Variants in CRCP observed in about 807,000 individuals in gnomAD.
The protein encoded by CRCP is CGRP receptor component.
In CRCP, 18 loss-of-function variants were observed where a neutral mutation model predicts 18.5. The observed-to-expected ratio is 0.97, with a 90% CI of 0.67 to 1.44. The LOEUF (loss-of-function observed/expected upper bound fraction) is 1.44. Among genes scored for constraint, CRCP ranks in the 40% most tolerant of loss-of-function variants. The pLI, the probability that CRCP is intolerant of heterozygous loss-of-function variation, is 0.00. For missense variants in CRCP, 130 were observed against 176.4 expected, an observed-to-expected ratio of 0.74 and a Z score of 1.49; for synonymous variants, 53 against 62.9, an observed-to-expected ratio of 0.84 and a Z score of 0.75.
chr7:66,117,408 T>C (rs1288795598), intron 1 of CRCP, among the ~76,000 whole-genome samples: 1 of 152,184 alleles, frequency 6.6e-6, no homozygotes, highest in African/African-American at 2.4e-5. Context: ...CCCATCTATG[T>C]GCTGATGGTT....
intron 4 of CRCP, among the ~76,000 whole-genome samples, chr7:66,144,582 C>T (rs1363410768): frequency 2.6e-5 from 4 of 152,208 alleles, no homozygotes. Flanking sequence ...CCTCCTTGTC[C>T]TCTGCCTTCC....
intron 5 of CRCP, among the ~76,000 whole-genome samples, chr7:66,148,705 T>G (rs564515132): frequency 6.6e-6 from 1 of 152,330 alleles, no homozygotes; most frequent in African/African-American, 2.4e-5. Flanking sequence ...CCCTCCGGCC[T>G]GAGGTCAGTG....
rs1293463714 is a variant in CRCP, at chr7:66,152,914, G to A, written c.*557G>A. 1 of 153,154 alleles carries A rather than the reference G, an allele frequency of 6.5e-6. No individual in the cohort carries two copies. Among genetic ancestry groups the A allele is most frequent in the African/African-American group, 2.4e-5 (1 of 41,438 alleles). The allele number at this position is 153,154 out of a possible 1,614,324, so 9.5% of individuals were successfully genotyped here. A position where few individuals can be genotyped will look rare whatever the true frequency, so the allele number is the denominator to read the frequency against. On this transcript the variant is annotated 3_prime_UTR_variant, in exon 6 of 6. Transcript: ENST00000395326. ...AGCTCTAGAGCCCCTTTTCTCTGCTGGCAGGGGCTTTGTTTACCAGCTCAC... is the reference window on the plus strand; with the variant it reads ...AGCTCTAGAGCCCCTTTTCTCTGCTAGCAGGGGCTTTGTTTACCAGCTCAC...
intron 5 of CRCP, among the ~76,000 whole-genome samples, chr7:66,147,676 T>G (rs1225260450): frequency 1.3e-5 from 2 of 152,228 alleles, no homozygotes; most frequent in Non-Finnish European, 2.9e-5. Context: ...TATAGCCAGA[T>G]TCTTCCCACT....
chr7:66,120,183 CAAAAAAAAA>C (rs1787394517), intron 1 of CRCP, among the ~76,000 whole-genome samples: 1 of 139,804 alleles, frequency 7.2e-6, no homozygotes, highest in South Asian at 2.3e-4. Flanking sequence ...GACCCCGTCT[CAAAAAAAAA>C]GAAAAAAAGA....
chr7:66,116,415 A>T (rs959617773), intron 1 of CRCP, among the ~76,000 whole-genome samples: 4 of 150,398 alleles, frequency 2.7e-5, no homozygotes, highest in African/African-American at 4.9e-5. Context: ...GGATCACTTG[A>T]TCCCAGGAGG....
intron 5 of CRCP, among the ~76,000 whole-genome samples, chr7:66,146,538 T>C (rs1353963418): frequency 6.6e-6 from 1 of 152,192 alleles, no homozygotes; most frequent in Admixed American, 6.5e-5. Flanking sequence ...TAGCTCTTTG[T>C]CAAATTTCCT....
Position 66,154,025 on chromosome 7 carries a change from C to G in CRCP, c.*1668C>G, listed in dbSNP as rs1001733440. On this transcript the variant is annotated 3_prime_UTR_variant, in exon 6 of 6. Transcript: ENST00000395326. The stretch of plus-strand genomic sequence containing the variant: ...GCAGTGAGCCAGATCGTGCATTGCA[C>G]TCCAGCCTGGCCGACAGGGTGAGAC... 3.3e-5 allele frequency: 5 copies of G among 151,956 alleles called. No individual in the cohort carries two copies. The highest frequency in any genetic ancestry group is 1.2e-4 in the African/African-American group (5 of 41,364). The allele number at this position is 151,956 out of a possible 1,614,324, so 9.4% of individuals were successfully genotyped here.
intron 1 of CRCP, among the ~76,000 whole-genome samples, chr7:66,123,749 C>CA (rs35581711): frequency 0.016 from 2,267 of 138,512 alleles, 57 homozygotes; most frequent in East Asian, 0.098. Flanking sequence ...ACTCTTGTCT[C>CA]AAAAAAAAAA....
intron 4 of CRCP, among the ~76,000 whole-genome samples, chr7:66,141,219 A>G (rs79175498): frequency 0.016 from 2,450 of 152,286 alleles, 61 homozygotes; most frequent in East Asian, 0.093. Context: ...TGTGAGCATA[A>G]CACATTCAGT....
chr7:66,152,459 C>G lies in CRCP; in HGVS notation c.*102C>G. 7.4e-7 allele frequency: 1 copy of G among 1,349,782 alleles called. No homozygotes were observed. Among genetic ancestry groups the G allele is most frequent in the Admixed American group, 2.2e-5 (1 of 46,420 alleles). 83.6% of individuals were successfully genotyped at this position (1,349,782 alleles called of 1,614,324 possible). On this transcript the variant is annotated 3_prime_UTR_variant, in exon 6 of 6. Coordinates refer to ENST00000395326, the MANE Select transcript of CRCP (RefSeq NM_014478.5). Reference sequence around the variant, plus strand: ...TATTTGATTTTTATCCTCATCCCAGCAGGCCTGGCTTTGTGGTTAGTTGGG... The same window carrying G: ...TATTTGATTTTTATCCTCATCCCAGGAGGCCTGGCTTTGTGGTTAGTTGGG...
rs1280094524 is a variant in CRCP at position 66,130,148 on chromosome 7, C to G, written c.46-596C>G. The G allele has an allele frequency of 3.9e-5, 11 of 285,602 alleles. No homozygotes were observed. In the East Asian group the frequency reaches 1.6e-3, roughly 41 times the overall value. The allele number at this position is 285,602 out of a possible 1,614,324, so 17.7% of individuals were successfully genotyped here. A position where few individuals can be genotyped will look rare whatever the true frequency, so the allele number is the denominator to read the frequency against. ...TCAGATGGAGTCTCGCTCTGTCACC[C>G]AGGCTGGAGTACAGTGGCACCATCC... On this transcript the variant is annotated intron_variant, in intron 2 of 5. Transcript: ENST00000395326.
At chr7:66,125,312 C>T (rs1403176057) in intron 1 of CRCP, among the ~76,000 whole-genome samples, 1 of 149,178 alleles carries the variant, frequency 6.7e-6, no homozygotes, top group Non-Finnish European at 1.5e-5. Context: ...AAGATAAAAA[C>T]TGCCTTTAAA....
At chr7:66,137,194 A>C (rs564922580) in intron 4 of CRCP, among the ~76,000 whole-genome samples, 1 of 152,132 alleles carries the variant, frequency 6.6e-6, no homozygotes, top group Non-Finnish European at 1.5e-5. Context: ...GTTCTGCACA[A>C]ATTTTTTTAG....
chr7:66,119,242 A>G (rs1787362092), intron 1 of CRCP, among the ~76,000 whole-genome samples: 1 of 152,182 alleles, frequency 6.6e-6, no homozygotes, highest in African/African-American at 2.4e-5. Flanking sequence ...GAACTTCTGG[A>G]TAGTCTAACA....
chr7:66,124,226 G>A (rs1787548026), intron 1 of CRCP, among the ~76,000 whole-genome samples: 3 of 151,160 alleles, frequency 2.0e-5, no homozygotes, highest in Non-Finnish European at 2.9e-5. Flanking sequence ...CCGGGCTGAT[G>A]GCGGGTGCCT....
At chr7:66,143,449 T>G (rs532979522) in intron 4 of CRCP, among the ~76,000 whole-genome samples, 1 of 152,194 alleles carries the variant, frequency 6.6e-6, no homozygotes, top group Non-Finnish European at 1.5e-5. Context: ...CTCCGGGAGC[T>G]TTCTTTCCTC....
intron 5 of CRCP, 125 bp from the exon 6 acceptor site, chr7:66,152,083 C>G: frequency 9.7e-7 from 1 of 1,031,898 alleles, no homozygotes; most frequent in Non-Finnish European, 1.4e-6. Flanking sequence ...AGAGGACTCA[C>G]GAGGACCCAG....
At chr7:66,117,208 G>C (rs1307534232) in intron 1 of CRCP, among the ~76,000 whole-genome samples, 1 of 151,636 alleles carries the variant, frequency 6.6e-6, no homozygotes, top group Non-Finnish European at 1.5e-5. Flanking sequence ...TCTCAGCAGT[G>C]GTTAATACAG....
Sources: gnomAD v4.1 joint callset for allele counts (sites outside exome capture counted in the v4.1 genomes callset) on GRCh38, gnomAD v4.1.1 for gene constraint, MANE v1.5 for transcripts, NCBI Gene and HGNC (gene_info 2026-07-23, HGNC 2026-07-21) for gene names.